PLEKHH1: variants seen among roughly 807,000 people sequenced by gnomAD.
The protein encoded by PLEKHH1 is pleckstrin homology domain-containing family H member 1.
Under a neutral mutation model 160.0 loss-of-function variants are expected in PLEKHH1, and 104 were observed. The ratio of observed to expected loss-of-function variants is 0.65; its 90% CI spans 0.55 to 0.76. The LOEUF is 0.76. Ranked by LOEUF, PLEKHH1 falls within the 30% of genes least tolerant of loss-of-function variation. The probability of loss-of-function intolerance (pLI) is 0.00; values close to 1 mark genes in which losing one functional copy is unlikely to be tolerated. For synonymous variants in PLEKHH1, 619 were observed against 678.4 expected, an observed-to-expected ratio of 0.91 and a Z score of 1.36; for missense variants, 1,427 against 1,724.1, an observed-to-expected ratio of 0.83 and a Z score of 3.05.
chr14:67,575,374 T>C lies in PLEKHH1; in HGVS notation c.2089-18T>C. On this transcript the variant is annotated intron_variant, in intron 14 of 28. Coordinates refer to ENST00000329153, the MANE Select transcript of PLEKHH1 (RefSeq NM_020715.3). ...AGTTACCTAGTTCTCATAATGCCAG[T>C]TCATTTCTGTCTTACAGGTAAAGCA... 1 of 1,537,372 alleles carries C rather than the reference T, an allele frequency of 6.5e-7. No homozygotes were observed. Among genetic ancestry groups the C allele is most frequent in the Non-Finnish European group, 8.9e-7 (1 of 1,118,128 alleles).
intron 14 of PLEKHH1, among the ~76,000 whole-genome samples, chr14:67,575,051 G>A (rs1268873696): frequency 1.3e-5 from 2 of 152,174 alleles, no homozygotes; most frequent in African/African-American, 4.8e-5. Context: ...GCTTCAGCCT[G>A]CTGTTTTCCC....
intron 1 of PLEKHH1, among the ~76,000 whole-genome samples, chr14:67,537,382 A>T (rs12590691): frequency 0.45 from 42,120 of 93,286 alleles, 6,794 homozygotes; most frequent in Non-Finnish European, 0.53. Flanking sequence ...ATAATAATAA[A>T]AACTTAATCT....
chr14:67,554,664 A>G (rs2034525289), intron 2 of PLEKHH1, among the ~76,000 whole-genome samples: 1 of 152,164 alleles, frequency 6.6e-6, no homozygotes. Context: ...CAGGGGAAGA[A>G]TGGGAGCTGA....
chr14:67,579,897 C>T, intron 22 of PLEKHH1, 21 bp downstream of exon 22: 2 of 1,578,754 alleles, frequency 1.3e-6, no homozygotes, highest in Non-Finnish European at 1.7e-6. Flanking sequence ...CCCACTAAGC[C>T]AGCTGAGCCC....
rs752438562 is a variant in PLEKHH1 at position 67,575,844 on chromosome 14, G to A, written c.2191G>A (p.Val731Met). 2 of 1,613,830 alleles carry A rather than the reference G, an allele frequency of 1.2e-6. No individual in the cohort carries two copies. Among genetic ancestry groups the A allele is most frequent in the South Asian group, 2.2e-5 (2 of 91,028 alleles). ...ACAGCGACCCCTGGGCTGCCTGCCT[G>A]TGCGGGATGCGCACATAGAGGAAGT... ...EDKRPLGCLPVRDAHIEEVDR... is the reference protein window; with the variant it reads ...EDKRPLGCLPMRDAHIEEVDR... Residue 731 changes from valine to methionine, a missense_variant, in exon 16 of 29, where the codon GTG (valine) becomes ATG (methionine). By Grantham distance (21) the Val-to-Met change is conservative. Around this residue, in one of 6 missense-constraint regions of PLEKHH1, gnomAD observed 831 missense variants for 929.2 expected, o/e 0.89. Transcript: ENST00000329153.
chr14:67,572,299 GGCAGGGTGGAA>G (rs1373033678), intron 11 of PLEKHH1, 22 bp downstream of exon 11: 11 of 1,569,942 alleles, frequency 7.0e-6, no homozygotes, highest in Non-Finnish European at 7.7e-6. Flanking sequence ...AACGGGCGGG[GGCAGGGTGGAA>G]GCAGAATGCA....
At chr14:67,565,215 T>C (rs1281891923) in intron 7 of PLEKHH1, among the ~76,000 whole-genome samples, 1 of 151,974 alleles carries the variant, frequency 6.6e-6, no homozygotes, top group African/African-American at 2.4e-5. Context: ...CCCAAGGTCA[T>C]GTAGTAGTTA....
Position 67,575,840 on chromosome 14 carries a change from G to A in PLEKHH1, c.2187G>A (p.Leu729=). 1 of 1,613,698 alleles carries A rather than the reference G, an allele frequency of 6.2e-7. No homozygotes were observed. The highest frequency in any genetic ancestry group is 8.5e-7 in the Non-Finnish European group (1 of 1,179,708). Residue 729 remains leucine, a synonymous_variant, in exon 16 of 29, where the codon CTG becomes CTA. Coordinates refer to ENST00000329153, the MANE Select transcript of PLEKHH1 (RefSeq NM_020715.3). ...SHEDKRPLGC[L]PVRDAHIEEV... is the part of the protein sequence containing the mutation. Reference sequence around the variant, plus strand: ...GTCCACAGCGACCCCTGGGCTGCCTGCCTGTGCGGGATGCGCACATAGAGG... The same window carrying A: ...GTCCACAGCGACCCCTGGGCTGCCTACCTGTGCGGGATGCGCACATAGAGG...
At chr14:67,551,848 C>T (rs2034403799) in intron 2 of PLEKHH1, among the ~76,000 whole-genome samples, 2 of 151,984 alleles carry the variant, frequency 1.3e-5, no homozygotes, top group Non-Finnish European at 2.9e-5. Context: ...GCCACTCCAG[C>T]CTGGGCGACA....
chr14:67,567,153 C>A (rs576962676), intron 7 of PLEKHH1, among the ~76,000 whole-genome samples: 3 of 150,886 alleles, frequency 2.0e-5, no homozygotes, highest in African/African-American at 7.3e-5. Flanking sequence ...TTCCGTGTTC[C>A]GGGGAGAGCT....
chr14:67,585,492 T>G, intron 26 of PLEKHH1, 76 bp from the exon 27 acceptor site: 1 of 1,004,058 alleles, frequency 1.0e-6, no homozygotes, highest in East Asian at 2.6e-5. Flanking sequence ...TGGATGTGCC[T>G]TCTTTCTCAG....
chr14:67,533,484 T>A (rs1259693675), intron 1 of PLEKHH1, 86 bp downstream of exon 1: 3 of 151,868 alleles, frequency 2.0e-5, no homozygotes, highest in Admixed American at 1.3e-4. Flanking sequence ...GGACGGCCCC[T>A]CGGGCCCAGA....
Position 67,577,338 on chromosome 14 carries a change from G to A in PLEKHH1, c.2498G>A (p.Ser833Asn). 6.3e-7 allele frequency: 1 copy of A among 1,582,594 alleles called. No homozygotes were observed. The part of the protein sequence containing the change: ...PLWRHPMLCY[S>N]KDGLYASLTT... ...TGGAGGCACCCCATGCTGTGCTACAGCAAAGACGGCCTATACGCCTCCCTC... is the reference window on the plus strand; with the variant it reads ...TGGAGGCACCCCATGCTGTGCTACAACAAAGACGGCCTATACGCCTCCCTC... Residue 833 changes from serine to asparagine, a missense_variant, in exon 18 of 29, where the codon AGC (serine) becomes AAC (asparagine). Ser to Asn is a conservative substitution (Grantham distance 46). Coordinates refer to ENST00000329153, the MANE Select transcript of PLEKHH1 (RefSeq NM_020715.3).
intron 26 of PLEKHH1, 21 bp downstream of exon 26, chr14:67,584,145 C>G: frequency 2.5e-6 from 4 of 1,609,966 alleles, no homozygotes; most frequent in African/African-American, 1.3e-5. Context: ...GTGGAAGGAG[C>G]TGCCCACACC....
chr14:67,559,480 G>T (rs1293792318), intron 4 of PLEKHH1, 128 bp from the exon 5 acceptor site: 1 of 628,328 alleles, frequency 1.6e-6, no homozygotes. Context: ...TTCAACAAAC[G>T]ATTTCTGCTC....
In PLEKHH1 at chr14:67,580,916, T is replaced by C. The variant is rs201435258; in HGVS notation, c.3184-22T>C. ...TCTCCTTATCAGGAAATTTTCTGAC[T>C]TTCTTCTTTTGCCTTTTCAAGATCT... On this transcript the variant is annotated intron_variant, in intron 22 of 28. Coordinates refer to ENST00000329153, the MANE Select transcript of PLEKHH1 (RefSeq NM_020715.3). 1.6e-4 allele frequency: 247 copies of C among 1,535,440 alleles called. 3 individuals carry two copies. In the East Asian group the frequency reaches 4.7e-3, roughly 29 times the overall value.
chr14:67,575,259 G>C (rs1310049001), intron 14 of PLEKHH1, 133 bp from the exon 15 acceptor site: 1 of 608,474 alleles, frequency 1.6e-6, no homozygotes, highest in African/African-American at 1.9e-5. Flanking sequence ...GGTTCCATTA[G>C]TAGGGAGCCC....
intron 5 of PLEKHH1, among the ~76,000 whole-genome samples, chr14:67,560,821 C>T (rs892256596): frequency 6.7e-6 from 1 of 150,348 alleles, no homozygotes; most frequent in Non-Finnish European, 1.5e-5. Flanking sequence ...ACCTCTGCCT[C>T]CTGGGTTCAA....
rs1242333554 is a variant in PLEKHH1, at chr14:67,574,945, T to C, written c.2089-447T>C. On this transcript the variant is annotated intron_variant, in intron 14 of 28. Coordinates refer to ENST00000329153, the MANE Select transcript of PLEKHH1 (RefSeq NM_020715.3). This position sits in a 1 kb window ranked among gnomAD's most constrained non-coding sequence, Gnocchi z 4.2. ...CTCAGCAAGCTCAGGGCTGGCAGGC[T>C]CGCTGTGTGGCTCTGCTTCTCGTTC... Among the ~76,000 whole-genome samples the C allele has an allele frequency of 6.6e-6, 1 of 152,208 alleles. No homozygotes were observed. Among genetic ancestry groups the C allele is most frequent in the Non-Finnish European group, 1.5e-5 (1 of 68,028 alleles).
Sources: gnomAD v4.1 joint callset for allele counts (sites outside exome capture counted in the v4.1 genomes callset) on GRCh38, gnomAD v4.1.1 for gene constraint, gnomAD v4.1.1 regional missense constraint, Gnocchi (gnomAD v3.1) non-coding constraint, MANE v1.5 for transcripts, NCBI Gene and HGNC (gene_info 2026-07-23, HGNC 2026-07-21) for gene names.